TRPS1: variants seen among roughly 807,000 people sequenced by gnomAD.
TRPS1 encodes the protein zinc finger transcription factor Trps1.
In TRPS1, 6 loss-of-function variants were observed where a neutral mutation model predicts 101.2. The ratio of observed to expected loss-of-function variants is 0.06; its 90% CI spans 0.03 to 0.12. The LOEUF (loss-of-function observed/expected upper bound fraction) is 0.12. TRPS1 is among the 10% of genes least tolerant of loss of function. The pLI, the probability that TRPS1 is intolerant of heterozygous loss-of-function variation, is 1.00. For missense variants in TRPS1, 1,363 were observed against 1,567.0 expected (o/e 0.87, Z 2.20); for synonymous variants, 578 against 589.8 (o/e 0.98, Z 0.29).
chr8:115,661,487 C>T (rs567450715), intron 1 of TRPS1: 1 of 152,096 alleles, frequency 6.6e-6, no homozygotes, highest in East Asian at 1.9e-4. Flanking sequence ...CATTTGCAGG[C>T]AATTACATTG....
At chr8:115,632,515 C>T (rs1367130917) in intron 1 of TRPS1, among the ~76,000 whole-genome samples, 4 of 152,002 alleles carry the variant, frequency 2.6e-5, no homozygotes, top group Non-Finnish European at 5.9e-5. Context: ...CACACCAATT[C>T]TCACAGTATT....
At chr8:115,620,578 C>T (rs1289924014) in intron 2 of TRPS1, among the ~76,000 whole-genome samples, 3 of 151,798 alleles carry the variant, frequency 2.0e-5, no homozygotes, top group African/African-American at 4.8e-5. Flanking sequence ...ATATTGTTAC[C>T]CTATGTAACC....
At position 115,520,876 on chromosome 8, in the gene TRPS1, AT is replaced by A. The variant is rs1230835340; in HGVS notation, c.2700+66124del. ...TTTAAAGCAGTTTTTCCATCTCACT[AT>A]TTTCCTTATTAATGAGTTAAATTTT... On this transcript the variant is annotated intron_variant, in intron 5 of 6. Coordinates refer to ENST00000395715, the MANE Select transcript of TRPS1 (RefSeq NM_014112.5). 1.1e-4 allele frequency among the ~76,000 whole-genome samples: 17 copies of A among 151,636 alleles called. 1 individual carries two copies. The East Asian group carries it at 2.5e-3, about 23-fold the overall frequency.
chr8:115,452,839 TA>T (rs1256736176), intron 5 of TRPS1, among the ~76,000 whole-genome samples: 1 of 152,204 alleles, frequency 6.6e-6, no homozygotes, highest in East Asian at 1.9e-4. Context: ...CTCTTTTACC[TA>T]AATCATTTCA....
rs1221513516 is a variant in TRPS1 at position 115,654,061 on chromosome 8, T to C, written c.-122+14484A>G. On this transcript the variant is annotated intron_variant, in intron 1 of 6. Transcript: ENST00000395715. ...GACTATACAATATAACTATTAGGTTTGAAAGATAAGAAACAAGGGATTTAA... is the reference window on the plus strand; with the variant it reads ...GACTATACAATATAACTATTAGGTTCGAAAGATAAGAAACAAGGGATTTAA... Among the ~76,000 whole-genome samples, 5 of 152,332 alleles carry C rather than the reference T, an allele frequency of 3.3e-5. No homozygotes were observed. In the South Asian group the frequency reaches 1.0e-3, roughly 32 times the overall value.
chr8:115,472,775 C>G (rs1814504850), intron 5 of TRPS1, among the ~76,000 whole-genome samples: 1 of 152,160 alleles, frequency 6.6e-6, no homozygotes, highest in Non-Finnish European at 1.5e-5. Flanking sequence ...TTTCTTCCAC[C>G]AGATACCCTA....
intron 5 of TRPS1, among the ~76,000 whole-genome samples, chr8:115,579,521 T>A (rs1249538777): frequency 6.6e-6 from 1 of 152,136 alleles, no homozygotes; most frequent in Admixed American, 6.6e-5. Context: ...TATCACTTCC[T>A]TCACACAAAA....
intron 5 of TRPS1, among the ~76,000 whole-genome samples, chr8:115,531,734 T>TA (rs1294687185): frequency 3.3e-5 from 5 of 151,794 alleles, no homozygotes; most frequent in East Asian, 3.9e-4. Flanking sequence ...TGAGAAGGGT[T>TA]AAAAAAAACA....
chr8:115,652,669 C>T (rs1371745817), intron 1 of TRPS1, among the ~76,000 whole-genome samples: 2 of 152,184 alleles, frequency 1.3e-5, no homozygotes, highest in African/African-American at 2.4e-5. Flanking sequence ...GTATAAGCTA[C>T]AGAATTGCAT....
intron 1 of TRPS1, among the ~76,000 whole-genome samples, chr8:115,625,359 T>C (rs1355618418): frequency 1.3e-5 from 2 of 151,952 alleles, no homozygotes; most frequent in Admixed American, 6.6e-5. Context: ...GAATAAATTA[T>C]TTCTAAAATT....
chr8:115,487,151 C>T (rs555163704), intron 5 of TRPS1, among the ~76,000 whole-genome samples: 2 of 152,256 alleles, frequency 1.3e-5, no homozygotes, highest in East Asian at 3.9e-4. Context: ...GCTAAATGTA[C>T]TCTGCCTGTT....
intron 5 of TRPS1, among the ~76,000 whole-genome samples, chr8:115,454,411 A>G (rs573134854): frequency 1.3e-5 from 2 of 152,342 alleles, no homozygotes; most frequent in South Asian, 4.1e-4. Context: ...TCCACTATGT[A>G]TAAGTTGTTT....
intron 1 of TRPS1, among the ~76,000 whole-genome samples, chr8:115,659,581 C>A (rs946571859): frequency 5.9e-5 from 9 of 151,836 alleles, no homozygotes; most frequent in East Asian, 3.9e-4. Context: ...TATATATGAC[C>A]TGTCTTAACT....
chr8:115,543,788 G>C (rs16887535), intron 5 of TRPS1, among the ~76,000 whole-genome samples: 5,574 of 152,068 alleles, frequency 0.037, 383 homozygotes, highest in African/African-American at 0.13. Context: ...CCCTTCACCA[G>C]TTTATAGATC....
At chr8:115,647,230 C>T (rs1811431257) in intron 1 of TRPS1, among the ~76,000 whole-genome samples, 2 of 151,986 alleles carry the variant, frequency 1.3e-5, no homozygotes, top group African/African-American at 4.8e-5. Flanking sequence ...TTCAGAACAG[C>T]CCTACTAAAA....
At chr8:115,551,823 G>A (rs1816712269) in intron 5 of TRPS1, among the ~76,000 whole-genome samples, 1 of 152,122 alleles carries the variant, frequency 6.6e-6, no homozygotes, top group Admixed American at 6.5e-5. Flanking sequence ...AAATTGGGGA[G>A]AATACATTTG....
At chr8:115,521,576 A>G (rs1815863089) in intron 5 of TRPS1, among the ~76,000 whole-genome samples, 1 of 151,918 alleles carries the variant, frequency 6.6e-6, no homozygotes, top group Non-Finnish European at 1.5e-5. Context: ...TTAATAAATT[A>G]TACAATAATA....
At chr8:115,659,407 T>C (rs1811745164) in intron 1 of TRPS1, among the ~76,000 whole-genome samples, 1 of 151,778 alleles carries the variant, frequency 6.6e-6, no homozygotes, top group South Asian at 2.1e-4. Flanking sequence ...TTAAATATAA[T>C]TACTAATATA....
At chr8:115,612,536 G>A (rs1167704237) in intron 3 of TRPS1, among the ~76,000 whole-genome samples, 1 of 152,108 alleles carries the variant, frequency 6.6e-6, no homozygotes, top group Non-Finnish European at 1.5e-5. Flanking sequence ...GTTGTTGTGG[G>A]GAACTTCACT....
Sources: allele counts gnomAD v4.1 joint callset (sites outside exome capture counted in the v4.1 genomes callset), GRCh38; gene constraint gnomAD v4.1.1; transcripts MANE v1.5; gene names NCBI Gene and HGNC (gene_info 2026-07-23, HGNC 2026-07-21).